The following MYO3A variants were observed in gnomAD, a reference collection of about 807,000 sequenced individuals.
The protein encoded by MYO3A is myosin IIIA.
A neutral mutation model predicts 192.7 loss-of-function variants in MYO3A; 180 were observed. The observed-to-expected ratio is 0.93, with a 90% CI of 0.83 to 1.06. The LOEUF (loss-of-function observed/expected upper bound fraction) is 1.06. Ranked by LOEUF, MYO3A falls within the 50% of genes least tolerant of loss-of-function variation. MYO3A has a pLI of 0.00. For missense variants in MYO3A, 1,896 were observed against 1,905.0 expected (o/e 1.00, Z 0.09); for synonymous variants, 628 against 645.3 (o/e 0.97, Z 0.41).
At chr10:26,197,057 T>C (rs1161520377) in intron 32 of MYO3A, among the ~76,000 whole-genome samples, 1 of 152,234 alleles carries the variant, frequency 6.6e-6, no homozygotes, top group African/African-American at 2.4e-5. Flanking sequence ...ACCAGGGGTT[T>C]GGTTGAGGTC....
At chr10:25,966,574 A>C (rs1838279915) in intron 4 of MYO3A, among the ~76,000 whole-genome samples, 1 of 152,046 alleles carries the variant, frequency 6.6e-6, no homozygotes, top group East Asian at 1.9e-4. Flanking sequence ...ACCTGAAAAC[A>C]AACAAAAAAA....
intron 6 of MYO3A, among the ~76,000 whole-genome samples, chr10:26,010,400 A>G (rs952629259): frequency 6.6e-6 from 1 of 151,470 alleles, no homozygotes; most frequent in Non-Finnish European, 1.5e-5. Flanking sequence ...TCTGAATATG[A>G]ATTTCTTGAT....
At chr10:26,075,148 G>A (rs1263909064) in intron 14 of MYO3A, among the ~76,000 whole-genome samples, 1 of 151,868 alleles carries the variant, frequency 6.6e-6, no homozygotes. Context: ...TATCAACTTT[G>A]TCATGTAGTT....
chr10:26,083,260 C>T (rs1220687306), intron 14 of MYO3A, among the ~76,000 whole-genome samples: 1 of 152,148 alleles, frequency 6.6e-6, no homozygotes, highest in Non-Finnish European at 1.5e-5. Flanking sequence ...GCATATACAA[C>T]ATGGATACAT....
chr10:25,985,440 G>A (rs1049021033), intron 4 of MYO3A, among the ~76,000 whole-genome samples: 6 of 151,910 alleles, frequency 3.9e-5, no homozygotes, highest in Middle Eastern at 3.4e-3. Context: ...TAAAAAGCTG[G>A]TTAGACAAAG....
At chr10:26,110,329 A>G (rs1436429993) in intron 17 of MYO3A, among the ~76,000 whole-genome samples, 1 of 152,140 alleles carries the variant, frequency 6.6e-6, no homozygotes, top group East Asian at 1.9e-4. Flanking sequence ...CTCTCAATGC[A>G]TTAGATGGTT....
chr10:25,958,466 C>T (rs182360704), intron 4 of MYO3A, among the ~76,000 whole-genome samples: 1 of 152,258 alleles, frequency 6.6e-6, no homozygotes, highest in East Asian at 1.9e-4. Flanking sequence ...GTTTTTGAAA[C>T]AGTACCATGC....
chr10:25,940,630 T>C (rs1836429297), intron 2 of MYO3A, among the ~76,000 whole-genome samples: 1 of 152,142 alleles, frequency 6.6e-6, no homozygotes, highest in South Asian at 2.1e-4. Context: ...CAGGGGTCAG[T>C]GGTGTTAAAC....
At chr10:25,974,060 G>A (rs1564418962) in intron 4 of MYO3A, among the ~76,000 whole-genome samples, 2 of 152,138 alleles carry the variant, frequency 1.3e-5, no homozygotes, top group African/African-American at 2.4e-5. Context: ...AACACCAAAA[G>A]CAATTGCAAC....
chr10:26,211,430 G>A (rs961920787), intron 34 of MYO3A, among the ~76,000 whole-genome samples: 13 of 152,212 alleles, frequency 8.5e-5, no homozygotes, highest in African/African-American at 4.8e-5. Context: ...CATCTGAGCA[G>A]TTTTAAAATG....
intron 26 of MYO3A, among the ~76,000 whole-genome samples, chr10:26,158,557 G>A (rs1175604091): frequency 6.6e-6 from 1 of 151,888 alleles, no homozygotes; most frequent in Non-Finnish European, 1.5e-5. Flanking sequence ...GCCCAGCCAA[G>A]GAGTTCCTTT....
In MYO3A at chr10:25,973,100, C is replaced by T. The variant is rs536694463; in HGVS notation, c.303+18092C>T. Among the ~76,000 whole-genome samples, 49 of 152,296 alleles carry T rather than the reference C, an allele frequency of 3.2e-4. 1 individual carries two copies. The South Asian group carries it at 9.8e-3, about 30-fold the overall frequency. On this transcript the variant is annotated intron_variant, in intron 4 of 34. Transcript: ENST00000642920. Reference sequence around the variant, plus strand: ...TATGGTCATTTTCATGACATTGATTCTTTCCATCCATGTGGACGGAATAGT... The same window carrying T: ...TATGGTCATTTTCATGACATTGATTTTTTCCATCCATGTGGACGGAATAGT...
intron 14 of MYO3A, among the ~76,000 whole-genome samples, chr10:26,085,806 G>A (rs188066491): frequency 6.6e-6 from 1 of 152,324 alleles, no homozygotes; most frequent in East Asian, 1.9e-4. Flanking sequence ...GAGGTTGCTG[G>A]GGTATCTTGC....
rs755186872 is a variant in MYO3A at position 26,068,840 on chromosome 10, A to T, written c.1126A>T (p.Ile376Phe). 5 of 1,600,392 alleles carry T rather than the reference A, an allele frequency of 3.1e-6. No homozygotes were observed. The highest frequency in any genetic ancestry group is 4.3e-6 in the Non-Finnish European group (5 of 1,167,764). Residue 376 changes from isoleucine to phenylalanine, a missense_variant, in exon 12 of 35, where the codon ATT (isoleucine) becomes TTT (phenylalanine). Coordinates refer to ENST00000642920, the MANE Select transcript of MYO3A (RefSeq NM_017433.5). The stretch of plus-strand genomic sequence containing the variant: ...CTACGTCTATGTGGGAGACATACTC[A>T]TTGCTCTTAACCCTTTTCAGAGTCT... ...QIYVYVGDIL[I>F]ALNPFQSLGL...
In MYO3A at chr10:26,105,237, T is replaced by A. The variant is rs576875772; in HGVS notation, c.1776+8555T>A. Among the ~76,000 whole-genome samples the A allele has an allele frequency of 5.3e-5, 8 of 152,224 alleles. No individual in the cohort carries two copies. The South Asian group carries it at 1.5e-3, about 28-fold the overall frequency. On this transcript the variant is annotated intron_variant, in intron 17 of 34. Coordinates refer to ENST00000642920, the MANE Select transcript of MYO3A (RefSeq NM_017433.5). ...TAGGTTCCGTTCCTAGTAGTGGAAT[T>A]TCTGGGTTAAAAGGTGTATATTTTT... is the stretch of plus-strand genomic sequence containing the variant.
At chr10:25,966,943 T>C (rs1230112063) in intron 4 of MYO3A, among the ~76,000 whole-genome samples, 4 of 152,052 alleles carry the variant, frequency 2.6e-5, no homozygotes, top group Admixed American at 2.0e-4. Context: ...GTGACATTGA[T>C]AAAAGGAAAT....
At position 26,021,481 on chromosome 10, in the gene MYO3A, T is replaced by C. The variant is rs3737275; in HGVS notation, c.586-22T>C. The C allele has an allele frequency of 0.49, 782,426 of 1,611,558 alleles. 193,276 individuals carry two copies. The highest frequency in any genetic ancestry group is 0.62 in the East Asian group (27,766 of 44,844). On this transcript the variant is annotated intron_variant, in intron 7 of 34. Coordinates refer to ENST00000642920, the MANE Select transcript of MYO3A (RefSeq NM_017433.5). ...TGTTAAAGTCACAAATTTCACCTTT[T>C]GATGGTGTGGTTTTCTACTAGGTGA...
At chr10:26,064,627 T>C (rs892168604) in intron 10 of MYO3A, among the ~76,000 whole-genome samples, 11 of 151,970 alleles carry the variant, frequency 7.2e-5, no homozygotes, top group African/African-American at 2.2e-4. Context: ...GGCAAACCTC[T>C]TGGGAGGCTG....
At chr10:25,993,842 C>T (rs2130879766) in intron 4 of MYO3A, among the ~76,000 whole-genome samples, 1 of 152,230 alleles carries the variant, frequency 6.6e-6, no homozygotes, top group Admixed American at 6.5e-5. Context: ...TTTCTTAATC[C>T]TGAGTTCTAG....
Sources: gnomAD v4.1 joint callset for allele counts (sites outside exome capture counted in the v4.1 genomes callset) on GRCh38, gnomAD v4.1.1 for gene constraint, MANE v1.5 for transcripts, NCBI Gene and HGNC (gene_info 2026-07-23, HGNC 2026-07-21) for gene names.